MPG: variants seen among roughly 807,000 people sequenced by gnomAD.
MPG encodes DNA-3-methyladenine glycosylase.
MPG carries 33 observed loss-of-function variants against 31.7 expected under a neutral mutation model. The ratio of observed to expected loss-of-function variants is 1.04; its 90% CI spans 0.79 to 1.39. The LOEUF (loss-of-function observed/expected upper bound fraction) is 1.39, where lower values mean the gene tolerates loss of function less well. Among genes scored for constraint, MPG ranks in the 40% most tolerant of loss-of-function variants. MPG has a pLI of 0.00. For synonymous variants in MPG, 202 were observed against 169.2 expected, an observed-to-expected ratio of 1.19 and a Z score of -1.51; for missense variants, 455 against 415.5, an observed-to-expected ratio of 1.10 and a Z score of -0.83.
chr16:83,705 C>T (rs1473275997), intron 3 of MPG, among the ~76,000 whole-genome samples: 2 of 149,718 alleles, frequency 1.3e-5, no homozygotes, highest in Admixed American at 1.3e-4. Context: ...CGCGCCATTG[C>T]ACTCCAGCCT....
At chr16:79,017 T>C in intron 1 of MPG, 2 of 1,410,558 alleles carry the variant, frequency 1.4e-6, no homozygotes, top group Non-Finnish European at 1.8e-6. Flanking sequence ...CTGGCAAGGG[T>C]TGGATGAAAG....
At chr16:83,360 AG>A (rs772655564) in intron 3 of MPG, 104 bp downstream of exon 3, 7 of 1,165,778 alleles carry the variant, frequency 6.0e-6, no homozygotes, top group Non-Finnish European at 7.4e-6. Flanking sequence ...CATTTGAGCG[AG>A]GAGGTGCCAC....
Position 82,140 on chromosome 16 carries a change from ACGCTGGCCCCTTCTTCC to A in MPG, c.301-910_301-894del, listed in dbSNP as rs1567124415. 2.4e-3 allele frequency among the ~76,000 whole-genome samples: 36 copies of A among 15,282 alleles called. 2 individuals carry two copies. Among genetic ancestry groups the A allele is most frequent in the Non-Finnish European group, 3.0e-3 (30 of 9,972 alleles). The allele number at this position is 15,282 out of a possible 152,430, so 10.0% of individuals were successfully genotyped here. A position where few individuals can be genotyped will look rare whatever the true frequency, so the allele number is the denominator to read the frequency against. On this transcript the variant is annotated intron_variant, in intron 2 of 3. Transcript: ENST00000356432. ...CGGGAAGCCCTCCTGAATGCTCCCC[ACGCTGGCCCCTTCTTCC>A]CACCACCCTATCTCCGGGAAGCCCT...
intron 3 of MPG, chr16:83,535 G>T: frequency 2.7e-6 from 1 of 367,980 alleles, no homozygotes. Context: ...GAGGTCAGGA[G>T]TTCGACACCA....
chr16:82,897 A>G (rs751775342), intron 2 of MPG, among the ~76,000 whole-genome samples, 155 bp from the exon 3 acceptor site: 1 of 152,102 alleles, frequency 6.6e-6, no homozygotes, highest in Non-Finnish European at 1.5e-5. Flanking sequence ...CAGCAGGAGC[A>G]AGAGAAGAGG....
chr16:81,049 G>C (rs1299064730), intron 2 of MPG, among the ~76,000 whole-genome samples: 2 of 152,210 alleles, frequency 1.3e-5, no homozygotes, highest in African/African-American at 2.4e-5. Context: ...ACAGCCCTCT[G>C]CCCTCTCCAT....
chr16:80,837 T>C (rs1898219407), intron 2 of MPG, among the ~76,000 whole-genome samples: 1 of 151,994 alleles, frequency 6.6e-6, no homozygotes, highest in Non-Finnish European at 1.5e-5. Flanking sequence ...CAATGGGCAT[T>C]TGTGATACAA....
intron 3 of MPG, chr16:83,463 G>C (rs545463269): frequency 3.8e-5 from 21 of 558,206 alleles, no homozygotes; most frequent in Non-Finnish European, 5.3e-5. Context: ...GGGTGGGGCC[G>C]GGCGCGGTGG....
intron 2 of MPG, among the ~76,000 whole-genome samples, chr16:81,619 T>C (rs1333896394): frequency 6.8e-6 from 1 of 146,714 alleles, no homozygotes; most frequent in African/African-American, 2.7e-5. Flanking sequence ...GCCTCCTGAA[T>C]GCTCCCCACA....
intron 1 of MPG, chr16:79,182 T>G: frequency 6.5e-7 from 1 of 1,543,988 alleles, no homozygotes; most frequent in South Asian, 1.2e-5. Flanking sequence ...CGCACATATG[T>G]GGGGCAGAGC....
chr16:81,563 C>T (rs886317379), intron 2 of MPG, among the ~76,000 whole-genome samples: 15 of 152,112 alleles, frequency 9.9e-5, no homozygotes, highest in Non-Finnish European at 1.5e-4. Flanking sequence ...CTGGGCTTCC[C>T]GCCCAGGCAC....
Position 85,649 on chromosome 16 carries a change from G to T in MPG, c.754G>T (p.Val252Leu). The T allele has an allele frequency of 6.3e-7, 1 of 1,591,118 alleles. No homozygotes were observed. The highest frequency in any genetic ancestry group is 1.1e-5 in the South Asian group (1 of 89,946). Residue 252 changes from valine (V) to leucine (L), a missense_variant, in exon 4 of 4, where the codon GTG becomes TTG. Transcript: ENST00000356432. ...GPLEPSEPAV[V>L]AAARVGVGHA... ...CCTGGAGCCCAGTGAGCCGGCTGTAGTGGCAGCAGCCCGGGTGGGCGTCGG... is the reference window on the plus strand; with the variant it reads ...CCTGGAGCCCAGTGAGCCGGCTGTATTGGCAGCAGCCCGGGTGGGCGTCGG...
Position 83,740 on chromosome 16 carries a change from C to CAAAA in MPG, c.505+496_505+499dup, listed in dbSNP as rs55674146. 3.0e-5 allele frequency among the ~76,000 whole-genome samples: 3 copies of CAAAA among 99,458 alleles called. No homozygotes were observed. The East Asian group carries it at 7.8e-4, about 26-fold the overall frequency. The allele number at this position is 99,458 out of a possible 152,430, so 65.2% of individuals were successfully genotyped here. On this transcript the variant is annotated intron_variant, in intron 3 of 3. Transcript: ENST00000356432. Reference sequence around the variant, plus strand: ...TGGGTGACAGAGCGAGACTCCATCTCAAAAAAAAAAAAAAAGGAAAGGAAA... The same window carrying CAAAA: ...TGGGTGACAGAGCGAGACTCCATCTCAAAAAAAAAAAAAAAAAAAGGAAAGGAAA...
intron 3 of MPG, 176 bp downstream of exon 3, chr16:83,432 G>T: frequency 3.1e-6 from 2 of 639,642 alleles, no homozygotes; most frequent in Non-Finnish European, 5.2e-6. Context: ...GGCTGGTTAG[G>T]TTAAAGGGGT....
At chr16:79,296 G>A (rs959519751) in intron 1 of MPG, 129 bp from the exon 2 acceptor site, 5 of 1,590,708 alleles carry the variant, frequency 3.1e-6, no homozygotes, top group East Asian at 4.6e-5. Context: ...CCACAGGATG[G>A]TCACCCCCGC....
chr16:83,372 T>A, intron 3 of MPG, 116 bp downstream of exon 3: 2 of 1,069,862 alleles, frequency 1.9e-6, no homozygotes, highest in Non-Finnish European at 2.8e-6. Context: ...GAGGTGCCAC[T>A]TCCAGGCCAG....
At chr16:77,979 A>C (rs1428715580), upstream of MPG, 4 of 202,536 alleles carry the variant, frequency 2.0e-5, no homozygotes, top group Non-Finnish European at 4.0e-5. Flanking sequence ...GGGGGCGGAC[A>C]GCTCATTGGG....
At chr16:82,870 A>G (rs1165945261) in intron 2 of MPG, among the ~76,000 whole-genome samples, 182 bp from the exon 3 acceptor site, 2 of 152,116 alleles carry the variant, frequency 1.3e-5, no homozygotes, top group African/African-American at 2.4e-5. Flanking sequence ...GGTGCCCTCA[A>G]TAGCCACATT....
chr16:85,564 C>G lies in MPG; in HGVS notation c.669C>G (p.Asn223Lys). ...AGCTGTGCCAGGCCCTGGCCATCAACAAGAGCTTTGACCAGAGGGACCTGG... is the reference window on the plus strand; with the variant it reads ...AGCTGTGCCAGGCCCTGGCCATCAAGAAGAGCTTTGACCAGAGGGACCTGG... ...PSKLCQALAINKSFDQRDLAQ... is the reference protein window; with the variant it reads ...PSKLCQALAIKKSFDQRDLAQ... The change falls in exon 4 of 4, where the codon AAC becomes AAG. Residue 223 changes from asparagine (N) to lysine (K), a missense_variant. Transcript: ENST00000356432. 4 of 1,613,440 alleles carry G rather than the reference C, an allele frequency of 2.5e-6. No individual in the cohort carries two copies. Among genetic ancestry groups the G allele is most frequent in the Non-Finnish European group, 3.4e-6 (4 of 1,179,982 alleles).
Sources: allele counts gnomAD v4.1 joint callset (sites outside exome capture counted in the v4.1 genomes callset), GRCh38; gene constraint gnomAD v4.1.1; transcripts MANE v1.5; gene names NCBI Gene and HGNC (gene_info 2026-07-23, HGNC 2026-07-21).